MIPOL1: variants seen among roughly 807,000 people sequenced by gnomAD.
MIPOL1 encodes mirror-image polydactyly gene 1 protein.
MIPOL1 carries 57 observed loss-of-function variants against 60.9 expected under a neutral mutation model. The ratio of observed to expected loss-of-function variants is 0.94; its 90% CI spans 0.76 to 1.17. The LOEUF is 1.17. Among genes scored for constraint, MIPOL1 ranks in the 50% most tolerant of loss-of-function variants. The pLI is 0.00. For missense variants in MIPOL1, 551 were observed against 511.6 expected, an observed-to-expected ratio of 1.08 and a Z score of -0.74; for synonymous variants, 179 against 168.8, an observed-to-expected ratio of 1.06 and a Z score of -0.47.
At chr14:37,486,008 A>G (rs930964494) in intron 11 of MIPOL1, among the ~76,000 whole-genome samples, 2 of 152,160 alleles carry the variant, frequency 1.3e-5, no homozygotes, top group African/African-American at 4.8e-5. Context: ...GAATTTTTGT[A>G]TAAGATGTAA....
chr14:37,215,686 T>C (rs953902047), intron 1 of MIPOL1, among the ~76,000 whole-genome samples: 4 of 152,128 alleles, frequency 2.6e-5, no homozygotes, highest in African/African-American at 9.7e-5. Context: ...TCAGAAGACA[T>C]AGCATGGCTG....
intron 9 of MIPOL1, 111 bp downstream of exon 9, chr14:37,308,630 G>C: frequency 1.5e-6 from 1 of 664,080 alleles, no homozygotes; most frequent in Non-Finnish European, 2.3e-6. Context: ...TTAATTTTTA[G>C]CACATAATTA....
At chr14:37,484,076 T>A (rs1227894492) in intron 11 of MIPOL1, among the ~76,000 whole-genome samples, 1 of 152,202 alleles carries the variant, frequency 6.6e-6, no homozygotes, top group African/African-American at 2.4e-5. Flanking sequence ...ATATATCCAA[T>A]GCAATACTAG....
intron 9 of MIPOL1, among the ~76,000 whole-genome samples, chr14:37,315,560 G>T (rs900320833): frequency 6.6e-6 from 1 of 152,146 alleles, no homozygotes; most frequent in African/African-American, 2.4e-5. Flanking sequence ...ACGATAAGTA[G>T]GCCTTGAAGA....
chr14:37,517,877 G>A (rs1360474446), intron 12 of MIPOL1, among the ~76,000 whole-genome samples: 1 of 152,114 alleles, frequency 6.6e-6, no homozygotes, highest in Non-Finnish European at 1.5e-5. Context: ...AGAGATACAG[G>A]CAAGGATGGG....
chr14:37,295,846 G>A (rs980100016), intron 7 of MIPOL1, among the ~76,000 whole-genome samples: 15 of 152,148 alleles, frequency 9.9e-5, no homozygotes, highest in African/African-American at 3.4e-4. Flanking sequence ...CCCCCACACA[G>A]TAATCATGGG....
intron 10 of MIPOL1, among the ~76,000 whole-genome samples, chr14:37,378,512 G>A (rs752810759): frequency 1.8e-4 from 28 of 151,980 alleles, no homozygotes; most frequent in Admixed American, 5.3e-4. Context: ...GTTAGGTTTG[G>A]GAACAGGCTA....
chr14:37,450,524 T>G lies in MIPOL1; in HGVS notation c.1031+27575T>G, dbSNP rs112211779. Among the ~76,000 whole-genome samples, 339 of 152,228 alleles carry G rather than the reference T, an allele frequency of 2.2e-3. 2 individuals carry two copies. The highest frequency in any genetic ancestry group is 7.6e-3 in the African/African-American group (317 of 41,560). On this transcript the variant is annotated intron_variant, in intron 11 of 12. Transcript: ENST00000684589. ...CTCATGGAAGATAATTTTTTTAATCTCAATTTTTTTTCATTTTTGTATTCT... is the reference window on the plus strand; with the variant it reads ...CTCATGGAAGATAATTTTTTTAATCGCAATTTTTTTTCATTTTTGTATTCT...
At chr14:37,397,408 G>A (rs1407906092) in intron 10 of MIPOL1, among the ~76,000 whole-genome samples, 2 of 152,028 alleles carry the variant, frequency 1.3e-5, no homozygotes, top group South Asian at 2.1e-4. Context: ...TGGGTAAAAT[G>A]GACTCTGTGA....
intron 1 of MIPOL1, among the ~76,000 whole-genome samples, chr14:37,240,805 G>A (rs79686334): frequency 0.039 from 5,946 of 152,134 alleles, 259 homozygotes; most frequent in African/African-American, 0.1. Context: ...TCAAAATAGT[G>A]TATTGTCTTA....
intron 3 of MIPOL1, among the ~76,000 whole-genome samples, chr14:37,253,282 A>G (rs1024683418): frequency 1.3e-5 from 2 of 151,768 alleles, no homozygotes; most frequent in African/African-American, 4.8e-5. Flanking sequence ...TTCACTTACT[A>G]CCTACTTGGA....
chr14:37,282,145 T>A (rs887308779), intron 6 of MIPOL1, among the ~76,000 whole-genome samples: 1 of 151,976 alleles, frequency 6.6e-6, no homozygotes, highest in African/African-American at 2.4e-5. Flanking sequence ...ATTTCAAAAT[T>A]TTTCTGAAGT....
intron 9 of MIPOL1, among the ~76,000 whole-genome samples, chr14:37,334,730 A>C (rs1567517848): frequency 6.6e-6 from 1 of 151,954 alleles, no homozygotes; most frequent in African/African-American, 2.4e-5. Context: ...ATATTTGTCT[A>C]TTCTGGATTT....
chr14:37,230,491 C>G (rs750259616), intron 1 of MIPOL1, among the ~76,000 whole-genome samples: 1 of 152,168 alleles, frequency 6.6e-6, no homozygotes, highest in Admixed American at 6.5e-5. Context: ...ATTTTATCAT[C>G]TTCCTTAAAG....
intron 11 of MIPOL1, among the ~76,000 whole-genome samples, chr14:37,482,368 A>T (rs1353743289): frequency 6.6e-6 from 1 of 152,142 alleles, no homozygotes; most frequent in Non-Finnish European, 1.5e-5. Context: ...AAACCACAAT[A>T]AGATATCTTA....
rs979154695 is a variant in MIPOL1, at chr14:37,197,963, C to G, written c.-340C>G. ...GGCCCCACGCGCCGCCCCGCTCCTC[C>G]GCCGGATCGTCTGTGGGTGAGTCTC... is the stretch of plus-strand genomic sequence containing the variant. On this transcript the variant is annotated 5_prime_UTR_variant, in exon 1 of 13. Coordinates refer to ENST00000684589, the MANE Select transcript of MIPOL1 (RefSeq NM_001388067.1). 6.6e-6 allele frequency: 1 copy of G among 152,252 alleles called. No homozygotes were observed. The highest frequency in any genetic ancestry group is 2.4e-5 in the African/African-American group (1 of 41,456). The allele number at this position is 152,252 out of a possible 1,614,324, so 9.4% of individuals were successfully genotyped here. A position where few individuals can be genotyped will look rare whatever the true frequency, so the allele number is the denominator to read the frequency against.
intron 4 of MIPOL1, among the ~76,000 whole-genome samples, 187 bp from the exon 5 acceptor site, chr14:37,268,471 A>G (rs941466761): frequency 2.0e-5 from 3 of 152,150 alleles, no homozygotes; most frequent in Non-Finnish European, 2.9e-5. Flanking sequence ...ATTTCTTCTT[A>G]GTGACTCCAA....
intron 11 of MIPOL1, among the ~76,000 whole-genome samples, chr14:37,438,011 G>A (rs918350861): frequency 6.6e-6 from 1 of 152,012 alleles, no homozygotes; most frequent in Admixed American, 6.6e-5. Flanking sequence ...AGTTTTCGCT[G>A]TAGTTAAGAT....
At chr14:37,526,488 G>GC (rs2095447810) in intron 12 of MIPOL1, among the ~76,000 whole-genome samples, 2 of 149,202 alleles carry the variant, frequency 1.3e-5, no homozygotes, top group African/African-American at 4.9e-5. Context: ...TCCTGCCTCA[G>GC]CCCCCCAAGT....
Sources: allele counts gnomAD v4.1 joint callset (sites outside exome capture counted in the v4.1 genomes callset), GRCh38; gene constraint gnomAD v4.1.1; transcripts MANE v1.5; gene names NCBI Gene and HGNC (gene_info 2026-07-23, HGNC 2026-07-21).